The following TYW5 variants were observed in gnomAD, a reference collection of about 807,000 sequenced individuals.
The protein encoded by TYW5 is tRNA wybutosine-synthesizing protein 5.
TYW5 carries 36 observed loss-of-function variants against 44.4 expected under a neutral mutation model. The observed-to-expected ratio is 0.81, with a 90% confidence interval of 0.62 to 1.07. The LOEUF (loss-of-function observed/expected upper bound fraction) is 1.07. Among genes scored for constraint, TYW5 ranks in the 50% least tolerant of loss-of-function variants. The pLI is 0.00. For synonymous variants in TYW5, 121 were observed against 128.1 expected (o/e 0.94, Z 0.37); for missense variants, 354 against 365.7 (o/e 0.97, Z 0.26).
rs1262774281 is a variant in TYW5, at chr2:199,940,146, A to G, written c.304-13T>C. Reference sequence around the variant, plus strand: ...AGTATTTCTCATCCTTAAACACCCCAGAGAAAAATAACATCAGCAATATTT... The same window carrying G: ...AGTATTTCTCATCCTTAAACACCCCGGAGAAAAATAACATCAGCAATATTT... On this transcript the variant is annotated splice_polypyrimidine_tract_variant and intron_variant, in intron 3 of 7. Coordinates refer to ENST00000354611, the MANE Select transcript of TYW5 (RefSeq NM_001039693.3). 1.9e-6 allele frequency: 3 copies of G among 1,611,660 alleles called. No homozygotes were observed. The highest frequency in any genetic ancestry group is 1.1e-5 in the South Asian group (1 of 90,800).
intron 3 of TYW5, among the ~76,000 whole-genome samples, chr2:199,940,561 T>C (rs1324516565): frequency 6.6e-6 from 1 of 151,250 alleles, no homozygotes; most frequent in Non-Finnish European, 1.5e-5. Flanking sequence ...CAGTGAGCTA[T>C]GATTGTGACA....
intron 2 of TYW5, 29 bp downstream of exon 2, chr2:199,948,289 T>A (rs745314319): frequency 1.2e-6 from 2 of 1,610,656 alleles, no homozygotes; most frequent in South Asian, 1.1e-5. Flanking sequence ...GTTATTTGTA[T>A]CCCCAGAGTA....
intron 4 of TYW5, 136 bp from the exon 5 acceptor site, chr2:199,939,206 A>T: frequency 1.4e-6 from 1 of 711,172 alleles, no homozygotes; most frequent in South Asian, 3.1e-5. Flanking sequence ...CTCTCTCTCT[A>T]TCTTTCTCTC....
chr2:199,930,956 T>C lies in TYW5; in HGVS notation c.*2111A>G, dbSNP rs996793544. ...ATACACTGTATAAGATTTTATACAT[T>C]AAAAACAAACATCTCATTTGGTCTT... On this transcript the variant is annotated 3_prime_UTR_variant, in exon 8 of 8. Transcript: ENST00000354611. The C allele has an allele frequency of 1.3e-5, 2 of 152,186 alleles. No individual in the cohort carries two copies. Among genetic ancestry groups the C allele is most frequent in the Non-Finnish European group, 2.9e-5 (2 of 68,024 alleles). 9.4% of individuals were successfully genotyped at this position (152,186 alleles called of 1,614,324 possible). A position where few individuals can be genotyped will look rare whatever the true frequency, so the allele number is the denominator to read the frequency against.
chr2:199,941,215 A>C (rs945880556), intron 3 of TYW5, among the ~76,000 whole-genome samples: 2 of 152,002 alleles, frequency 1.3e-5, no homozygotes, highest in African/African-American at 4.8e-5. Flanking sequence ...AATTATTTTT[A>C]CTATTTGTAG....
intron 2 of TYW5, chr2:199,945,854 C>T (rs1458789139): frequency 1.3e-5 from 2 of 152,254 alleles, no homozygotes; most frequent in African/African-American, 4.8e-5. Context: ...ATAGCTTCTA[C>T]TAAGCCCAGA....
Position 199,936,036 on chromosome 2 carries a change from C to G in TYW5, c.586G>C (p.Glu196Gln). The change falls in exon 7 of 8, where the codon GAA becomes CAA. Residue 196 changes from glutamate to glutamine, a missense_variant. Physicochemically the swap from Glu to Gln is conservative, Grantham distance 29 (BLOSUM62 2). Coordinates refer to ENST00000354611, the MANE Select transcript of TYW5 (RefSeq NM_001039693.3). ...QYLYLKGTKSEVLNIDNPDLA... is the reference protein window; with the variant it reads ...QYLYLKGTKSQVLNIDNPDLA... The stretch of plus-strand genomic sequence containing the variant: ...TCTGGGTTATCTATATTCAGTACTT[C>G]TGATTTAGTACCTAAAAAGTTCCAA... 6.2e-7 allele frequency: 1 copy of G among 1,600,538 alleles called. No individual in the cohort carries two copies. The highest frequency in any genetic ancestry group is 8.6e-7 in the Non-Finnish European group (1 of 1,169,134).
intron 4 of TYW5, among the ~76,000 whole-genome samples, 163 bp downstream of exon 4, chr2:199,939,926 A>T (rs1316354361): frequency 6.6e-6 from 1 of 152,204 alleles, no homozygotes; most frequent in Non-Finnish European, 1.5e-5. Flanking sequence ...TCACTTTTTA[A>T]TCATCTTACT....
chr2:199,940,769 C>T (rs1194436275), intron 3 of TYW5, among the ~76,000 whole-genome samples: 1 of 152,166 alleles, frequency 6.6e-6, no homozygotes, highest in Non-Finnish European at 1.5e-5. Flanking sequence ...TACATACCAT[C>T]TCTAAAGCTA....
chr2:199,937,001 CT>C (rs201605721), intron 5 of TYW5, among the ~76,000 whole-genome samples: 14 of 150,962 alleles, frequency 9.3e-5, no homozygotes, highest in Admixed American at 2.0e-4. Flanking sequence ...CACAGATTTT[CT>C]TTTTTTTTCC....
chr2:199,948,465 G>A lies in TYW5; in HGVS notation c.86C>T (p.Pro29Leu), dbSNP rs753109885. The part of the protein sequence containing the change: ...FMQHLYPQRK[P>L]LVLEGIDLGP... ...CAAATCAATCCCTTCCAACACAAGAGGTTTTCTCTGTAAGTGGGGAAAGAA... is the reference window on the plus strand; with the variant it reads ...CAAATCAATCCCTTCCAACACAAGAAGTTTTCTCTGTAAGTGGGGAAAGAA... Residue 29 changes from proline (P) to leucine (L), a missense_variant, in exon 2 of 8, where the codon CCT becomes CTT. Pro to Leu is a moderately conservative substitution (Grantham distance 98). Transcript: ENST00000354611. 1.1e-5 allele frequency: 18 copies of A among 1,613,818 alleles called. No homozygotes were observed. Among genetic ancestry groups the A allele is most frequent in the Non-Finnish European group, 1.4e-5 (16 of 1,179,932 alleles).
rs762303068 is a variant in TYW5 at position 199,936,082 on chromosome 2, G to C, written c.575-35C>G. On this transcript the variant is annotated intron_variant, in intron 6 of 7. Coordinates refer to ENST00000354611, the MANE Select transcript of TYW5 (RefSeq NM_001039693.3). ...TCCAAAAAGGGATAATATAGATTCAGCAAAGTTAGCATTTTAAAAAAAGTA... is the reference window on the plus strand; with the variant it reads ...TCCAAAAAGGGATAATATAGATTCACCAAAGTTAGCATTTTAAAAAAAGTA... The C allele has an allele frequency of 6.0e-6, 7 of 1,176,362 alleles. No individual in the cohort carries two copies. In the South Asian group the frequency reaches 9.2e-5, roughly 15 times the overall value. 72.9% of individuals were successfully genotyped at this position (1,176,362 alleles called of 1,614,324 possible).
intron 5 of TYW5, among the ~76,000 whole-genome samples, chr2:199,937,327 A>T (rs1446660482): frequency 6.6e-6 from 1 of 152,014 alleles, no homozygotes; most frequent in African/African-American, 2.4e-5. Flanking sequence ...ATTACATTCT[A>T]TTATAATTCA....
chr2:199,933,367 T>C (rs2077395429), intron 7 of TYW5, 44 bp from the exon 8 acceptor site: 1 of 1,520,316 alleles, frequency 6.6e-7, no homozygotes, highest in Non-Finnish European at 8.8e-7. Context: ...AACCTACAGT[T>C]AAAAAAAAAC....
Position 199,940,140 on chromosome 2 carries a change from C to T in TYW5, c.304-7G>A. The stretch of plus-strand genomic sequence containing the variant: ...GTAAGTAGTATTTCTCATCCTTAAA[C>T]ACCCCAGAGAAAAATAACATCAGCA... On this transcript the variant is annotated splice_polypyrimidine_tract_variant and splice_region_variant and intron_variant, in intron 3 of 7. Coordinates refer to ENST00000354611, the MANE Select transcript of TYW5 (RefSeq NM_001039693.3). 1 of 1,612,042 alleles carries T rather than the reference C, an allele frequency of 6.2e-7. No homozygotes were observed. Among genetic ancestry groups the T allele is most frequent in the Non-Finnish European group, 8.5e-7 (1 of 1,179,056 alleles).
chr2:199,934,702 G>C (rs2077405666), intron 7 of TYW5, among the ~76,000 whole-genome samples: 1 of 151,868 alleles, frequency 6.6e-6, no homozygotes, highest in Admixed American at 6.6e-5. Context: ...ATTCTTAATA[G>C]ATTAATTTAA....
In TYW5 at chr2:199,935,984, T is replaced by G. The variant is rs757199163; in HGVS notation, c.638A>C (p.Lys213Thr). ...PDLAKYPLFS[K>T]ARRYECSLEA... is the part of the protein sequence containing the mutation. ...AAGGGAACATTCATATCTTCTAGCCTTGGAAAAAAGTGGATATTTAGCCAA... is the reference window on the plus strand; with the variant it reads ...AAGGGAACATTCATATCTTCTAGCCGTGGAAAAAAGTGGATATTTAGCCAA... The change falls in exon 7 of 8, where the codon AAG becomes ACG. Residue 213 changes from lysine to threonine, a missense_variant. Transcript: ENST00000354611. The G allele has an allele frequency of 3.9e-5, 63 of 1,613,112 alleles. No homozygotes were observed. Among genetic ancestry groups the G allele is most frequent in the Non-Finnish European group, 8.5e-7 (1 of 1,179,510 alleles).
At chr2:199,938,255 G>A (rs1051013685) in intron 5 of TYW5, among the ~76,000 whole-genome samples, 2 of 151,850 alleles carry the variant, frequency 1.3e-5, no homozygotes, top group African/African-American at 4.8e-5. Context: ...TAGTAGGTAC[G>A]GGGTTTCACC....
chr2:199,942,223 T>G (rs1271213470), intron 3 of TYW5: 1 of 152,382 alleles, frequency 6.6e-6, no homozygotes, highest in Non-Finnish European at 1.5e-5. Context: ...TATGCCACCA[T>G]GCCTGGCTAA....
Sources: gnomAD v4.1 joint callset for allele counts (sites outside exome capture counted in the v4.1 genomes callset) on GRCh38, gnomAD v4.1.1 for gene constraint, MANE v1.5 for transcripts, NCBI Gene and HGNC (gene_info 2026-07-23, HGNC 2026-07-21) for gene names.